MAPK10: variants seen among roughly 807,000 people sequenced by gnomAD.
MAPK10 encodes mitogen-activated protein kinase 10.
MAPK10 carries 25 observed loss-of-function variants against 59.3 expected under a neutral mutation model. That is an observed-to-expected ratio of 0.42 (90% confidence interval 0.31 to 0.59). The LOEUF is 0.59. Ranked by LOEUF, MAPK10 falls within the 20% of genes least tolerant of loss-of-function variation. The probability of loss-of-function intolerance (pLI) is 0.15; values close to 1 mark genes in which losing one functional copy is unlikely to be tolerated. For synonymous variants in MAPK10, 190 were observed against 200.5 expected (o/e 0.95, Z 0.44); for missense variants, 351 against 568.9 (o/e 0.62, Z 3.90).
At chr4:86,505,597 A>G (rs1317867583) in intron 1 of MAPK10, among the ~76,000 whole-genome samples, 1 of 152,106 alleles carries the variant, frequency 6.6e-6, no homozygotes, top group African/African-American at 2.4e-5. Flanking sequence ...TAAAAAAAAA[A>G]GTTTCCTTTT....
At chr4:86,379,486 T>C (rs2148999811) in intron 1 of MAPK10, among the ~76,000 whole-genome samples, 1 of 152,278 alleles carries the variant, frequency 6.6e-6, no homozygotes, top group Middle Eastern at 3.4e-3. Flanking sequence ...TCTGCAGCAC[T>C]GTGACATGTT....
At chr4:86,429,022 C>T (rs946606095) in intron 1 of MAPK10, among the ~76,000 whole-genome samples, 8 of 152,078 alleles carry the variant, frequency 5.3e-5, no homozygotes, top group East Asian at 3.8e-4. Flanking sequence ...TCTGAAGAAT[C>T]GCTATATGTG....
chr4:86,190,478 G>A (rs1001885913), intron 3 of MAPK10, among the ~76,000 whole-genome samples: 1 of 152,136 alleles, frequency 6.6e-6, no homozygotes, highest in African/African-American at 2.4e-5. Context: ...TCTTGGGAGG[G>A]TGTATGTGTC....
intron 3 of MAPK10, among the ~76,000 whole-genome samples, chr4:86,185,388 G>A (rs996597053): frequency 6.6e-6 from 1 of 152,168 alleles, no homozygotes; most frequent in South Asian, 2.1e-4. Context: ...TGGTTAAGGA[G>A]TGGCCCAAGT....
At chr4:86,321,489 A>G (rs999465907) in intron 2 of MAPK10, among the ~76,000 whole-genome samples, 1 of 151,096 alleles carries the variant, frequency 6.6e-6, no homozygotes, top group Admixed American at 6.6e-5. Context: ...GCAAGAACAA[A>G]AAAACAAACA....
intron 4 of MAPK10, among the ~76,000 whole-genome samples, chr4:86,134,648 G>A (rs181929414): frequency 1.3e-5 from 2 of 152,242 alleles, no homozygotes; most frequent in African/African-American, 4.8e-5. Context: ...TATTATCTTT[G>A]TCATTCAAAT....
intron 1 of MAPK10, among the ~76,000 whole-genome samples, chr4:86,583,901 T>C (rs1762480632): frequency 6.6e-6 from 1 of 152,184 alleles, no homozygotes. Context: ...ATCCTGATTA[T>C]CAGAGTCTAG....
intron 1 of MAPK10, among the ~76,000 whole-genome samples, chr4:86,355,859 G>C (rs893986734): frequency 2.0e-5 from 3 of 152,104 alleles, no homozygotes; most frequent in Non-Finnish European, 2.9e-5. Context: ...AATGCTTTCA[G>C]ATCCTATTTC....
At chr4:86,169,897 G>T (rs1012564857) in intron 3 of MAPK10, among the ~76,000 whole-genome samples, 2 of 147,348 alleles carry the variant, frequency 1.4e-5, no homozygotes, top group African/African-American at 4.9e-5. Flanking sequence ...AGAAGAGAGT[G>T]GGGGCCAATA....
intron 1 of MAPK10, among the ~76,000 whole-genome samples, chr4:86,478,480 A>G (rs1753308419): frequency 6.6e-6 from 1 of 152,146 alleles, no homozygotes; most frequent in African/African-American, 2.4e-5. Flanking sequence ...GGCCCTTAAA[A>G]TTACAAACTA....
chr4:86,548,985 A>C (rs962444785), intron 1 of MAPK10, among the ~76,000 whole-genome samples: 1 of 152,224 alleles, frequency 6.6e-6, no homozygotes, highest in Non-Finnish European at 1.5e-5. Flanking sequence ...ATTCTAGAGC[A>C]AAATGAAAAT....
intron 11 of MAPK10, among the ~76,000 whole-genome samples, chr4:86,035,597 C>A (rs145786644): frequency 6.7e-6 from 1 of 150,192 alleles, no homozygotes; most frequent in East Asian, 2.0e-4. Flanking sequence ...TGAGGGTGAA[C>A]GAAAGACACA....
At chr4:86,249,468 G>C (rs1179370520) in intron 2 of MAPK10, among the ~76,000 whole-genome samples, 1 of 152,176 alleles carries the variant, frequency 6.6e-6, no homozygotes, top group African/African-American at 2.4e-5. Context: ...CATTTTCTCA[G>C]ATGCTATGCC....
At chr4:86,335,648 A>G (rs1303632886) in intron 2 of MAPK10, among the ~76,000 whole-genome samples, 1 of 151,614 alleles carries the variant, frequency 6.6e-6, no homozygotes. Flanking sequence ...GACATACCTG[A>G]GGCTGGGTAA....
chr4:86,210,735 G>C (rs972739868), intron 2 of MAPK10, among the ~76,000 whole-genome samples: 2 of 151,176 alleles, frequency 1.3e-5, no homozygotes, highest in African/African-American at 4.9e-5. Flanking sequence ...GAAAAAAATA[G>C]ACAGAAAACG....
intron 1 of MAPK10, among the ~76,000 whole-genome samples, chr4:86,510,746 G>A (rs1448369701): frequency 6.6e-6 from 1 of 152,056 alleles, no homozygotes; most frequent in Non-Finnish European, 1.5e-5. Flanking sequence ...AACATAGGTG[G>A]AACTGCAGGT....
At chr4:86,225,557 C>T (rs12499006) in intron 2 of MAPK10, among the ~76,000 whole-genome samples, 12,947 of 152,134 alleles carry the variant, frequency 0.085, 1,225 homozygotes, top group African/African-American at 0.23. Context: ...ATCCTAACTG[C>T]GAATGTAACT....
At chr4:86,464,435 A>C (rs1752014248) in intron 1 of MAPK10, among the ~76,000 whole-genome samples, 1 of 152,226 alleles carries the variant, frequency 6.6e-6, no homozygotes. Context: ...GGTTCATTCC[A>C]CACAATTAAT....
chr4:86,416,271 C>G (rs1745851664), intron 1 of MAPK10, among the ~76,000 whole-genome samples: 1 of 152,200 alleles, frequency 6.6e-6, no homozygotes, highest in Non-Finnish European at 1.5e-5. Context: ...GACGACTCAC[C>G]AGATACCAAC....
Sources: gnomAD v4.1 joint callset for allele counts (sites outside exome capture counted in the v4.1 genomes callset) on GRCh38, gnomAD v4.1.1 for gene constraint, MANE v1.5 for transcripts, NCBI Gene and HGNC (gene_info 2026-07-23, HGNC 2026-07-21) for gene names.